Variants in PBK observed in about 807,000 individuals in gnomAD.
PBK encodes lymphokine-activated killer T-cell-originated protein kinase.
A neutral mutation model predicts 33.5 loss-of-function variants in PBK; 22 were observed. The observed-to-expected ratio is 0.66, with a 90% CI of 0.47 to 0.94. The LOEUF is 0.94. Among genes scored for constraint, PBK ranks in the 40% least tolerant of loss-of-function variants. The probability of loss-of-function intolerance (pLI) is 0.00; values close to 1 mark genes in which losing one functional copy is unlikely to be tolerated. For synonymous variants in PBK, 129 were observed against 123.8 expected, an observed-to-expected ratio of 1.04 and a Z score of -0.28; for missense variants, 376 against 383.4, an observed-to-expected ratio of 0.98 and a Z score of 0.16.
In PBK at chr8:27,828,194, T is replaced by C; in HGVS notation, c.63A>G (p.Leu21=). The stretch of plus-strand genomic sequence containing the variant: ...GGATATTTATAGTTGGAGTTGAACA[T>C]AATACTAAATGTCAGAGAAATAAAA... ...SKLSEKKKSV[L]CSTPTINIPA... The change falls in exon 3 of 8, where the codon TTA becomes TTG. Residue 21 remains leucine (L), a synonymous_variant. Transcript: ENST00000301905. 6.9e-7 allele frequency: 1 copy of C among 1,440,486 alleles called. No individual in the cohort carries two copies. Among genetic ancestry groups the C allele is most frequent in the African/African-American group, 1.4e-5 (1 of 71,108 alleles). The allele number at this position is 1,440,486 out of a possible 1,614,324, so 89.2% of individuals were successfully genotyped here. A position where few individuals can be genotyped will look rare whatever the true frequency, so the allele number is the denominator to read the frequency against.
Position 27,810,016 on chromosome 8 carries a change from A to C in PBK, c.*289T>G. On this transcript the variant is annotated 3_prime_UTR_variant, in exon 8 of 8. Coordinates refer to ENST00000301905, the MANE Select transcript of PBK (RefSeq NM_018492.4). ...AATAAAAGTAATGGTCATTCAATTT[A>C]ATGTTACAGTTTACAGCGTTTTACT... 1 of 331,144 alleles carries C rather than the reference A, an allele frequency of 3.0e-6. No individual in the cohort carries two copies. The allele number at this position is 331,144 out of a possible 1,614,324, so 20.5% of individuals were successfully genotyped here.
chr8:27,829,649 C>T (rs979037847), intron 2 of PBK, among the ~76,000 whole-genome samples: 2 of 151,950 alleles, frequency 1.3e-5, no homozygotes, highest in Non-Finnish European at 2.9e-5. Flanking sequence ...AGGCAGATCA[C>T]TAGGTCAGGA....
chr8:27,830,392 T>C (rs1172136664), intron 2 of PBK, among the ~76,000 whole-genome samples: 1 of 151,688 alleles, frequency 6.6e-6, no homozygotes, highest in Non-Finnish European at 1.5e-5. Flanking sequence ...AGCAGAAGAA[T>C]AACTAAATCT....
At chr8:27,812,798 A>G (rs1390578095) in intron 6 of PBK, among the ~76,000 whole-genome samples, 4 of 152,186 alleles carry the variant, frequency 2.6e-5, no homozygotes, top group East Asian at 1.9e-4. Flanking sequence ...TAGAATGGCA[A>G]TCATTAAAAA....
intron 6 of PBK, among the ~76,000 whole-genome samples, chr8:27,819,504 G>C (rs1483208098): frequency 6.6e-6 from 1 of 151,974 alleles, no homozygotes; most frequent in African/African-American, 2.4e-5. Flanking sequence ...AAAAAGTTTG[G>C]AGTTTTTGTT....
intron 2 of PBK, 72 bp downstream of exon 2, chr8:27,832,984 C>T: frequency 1.2e-6 from 1 of 846,104 alleles, no homozygotes; most frequent in Non-Finnish European, 1.9e-6. Flanking sequence ...AAGGATCAAA[C>T]TAAATAATAC....
chr8:27,820,674 TTTC>T lies in PBK; in HGVS notation c.483_485del (p.Lys162del), dbSNP rs770596213. The T allele has an allele frequency of 6.4e-6, 10 of 1,560,234 alleles. No homozygotes were observed. The Admixed American group carries it at 1.6e-4, about 25-fold the overall frequency. On this transcript the variant is annotated inframe_deletion, in exon 6 of 8. Transcript: ENST00000301905. The stretch of plus-strand genomic sequence containing the variant: ...AAGACTTTATGTCTCCATGAAGCAG[TTTC>T]TTTTCTTGGTGCAGATACTAAAATA...
chr8:27,821,649 C>G (rs1805931227), intron 5 of PBK, among the ~76,000 whole-genome samples: 1 of 152,192 alleles, frequency 6.6e-6, no homozygotes, highest in Non-Finnish European at 1.5e-5. Context: ...GGTAAGTTAA[C>G]TAATCCTACA....
chr8:27,828,215 T>A lies in PBK; in HGVS notation c.59-17A>T. 8.8e-7 allele frequency: 1 copy of A among 1,142,214 alleles called. No individual in the cohort carries two copies. The highest frequency in any genetic ancestry group is 1.3e-6 in the Non-Finnish European group (1 of 779,406). The allele number at this position is 1,142,214 out of a possible 1,614,324, so 70.8% of individuals were successfully genotyped here. A position where few individuals can be genotyped will look rare whatever the true frequency, so the allele number is the denominator to read the frequency against. On this transcript the variant is annotated splice_polypyrimidine_tract_variant and intron_variant, in intron 2 of 7. Transcript: ENST00000301905. Reference sequence around the variant, plus strand: ...AACATAATACTAAATGTCAGAGAAATAAAAAATAAAATTAATAAAAAATAA... The same window carrying A: ...AACATAATACTAAATGTCAGAGAAAAAAAAAATAAAATTAATAAAAAATAA...
chr8:27,815,263 C>T (rs1805787830), intron 6 of PBK, among the ~76,000 whole-genome samples: 1 of 152,168 alleles, frequency 6.6e-6, no homozygotes, highest in Non-Finnish European at 1.5e-5. Context: ...AACAAGCACT[C>T]ATTTATTCCG....
chr8:27,817,247 T>G (rs1405072084), intron 6 of PBK, among the ~76,000 whole-genome samples: 1 of 151,994 alleles, frequency 6.6e-6, no homozygotes, highest in Non-Finnish European at 1.5e-5. Context: ...CTATTGAAAA[T>G]ACTCTCATAT....
rs188822451 is a variant in PBK at position 27,829,654 on chromosome 8, T to C, written c.59-1456A>G. Reference sequence around the variant, plus strand: ...AGGCCGAGGCAGGCAGATCACTAGGTCAGGAGTTCGAGACCAGCCTGGCCA... The same window carrying C: ...AGGCCGAGGCAGGCAGATCACTAGGCCAGGAGTTCGAGACCAGCCTGGCCA... On this transcript the variant is annotated intron_variant, in intron 2 of 7. Coordinates refer to ENST00000301905, the MANE Select transcript of PBK (RefSeq NM_018492.4). Among the ~76,000 whole-genome samples the C allele has an allele frequency of 8.3e-3, 1,203 of 145,514 alleles. 14 individuals carry two copies. Among genetic ancestry groups the C allele is most frequent in the African/African-American group, 0.029 (1,138 of 39,200 alleles).
rs142777905 is a variant in PBK at position 27,821,497 on chromosome 8, T to A, written c.466-803A>T. ...GGCTGATCTCAAATTCCTGCCCTCG[T>A]GATCTGCCTGCCTTGGCCTCCCAAA... On this transcript the variant is annotated intron_variant, in intron 5 of 7. Coordinates refer to ENST00000301905, the MANE Select transcript of PBK (RefSeq NM_018492.4). Among the ~76,000 whole-genome samples, 709 of 152,230 alleles carry A rather than the reference T, an allele frequency of 4.7e-3. 7 individuals carry two copies. Among genetic ancestry groups the A allele is most frequent in the African/African-American group, 0.016 (683 of 41,528 alleles).
At chr8:27,820,503 G>A (rs1260453892) in intron 6 of PBK, 62 bp downstream of exon 6, 18 of 930,470 alleles carry the variant, frequency 1.9e-5, no homozygotes, top group South Asian at 7.6e-5. Flanking sequence ...GTGGACTTAC[G>A]TATTTAAAAA....
chr8:27,817,900 A>G (rs1474871895), intron 6 of PBK, among the ~76,000 whole-genome samples: 4 of 152,186 alleles, frequency 2.6e-5, no homozygotes, highest in African/African-American at 9.7e-5. Context: ...CTAAATCTGC[A>G]TTGTCCAATG....
chr8:27,826,664 C>T (rs1278420863), intron 3 of PBK, among the ~76,000 whole-genome samples: 5 of 141,546 alleles, frequency 3.5e-5, no homozygotes, highest in Non-Finnish European at 4.5e-5. Flanking sequence ...GGCGTGGTGG[C>T]GGGCGCCTGT....
intron 6 of PBK, among the ~76,000 whole-genome samples, chr8:27,820,271 A>C (rs770569386): frequency 6.6e-6 from 1 of 152,152 alleles, no homozygotes; most frequent in Non-Finnish European, 1.5e-5. Context: ...TTTACTTTCT[A>C]TTCCCAGATG....
At chr8:27,822,572 T>C (rs1018289758) in intron 4 of PBK, 84 bp from the exon 5 acceptor site, 2 of 878,966 alleles carry the variant, frequency 2.3e-6, no homozygotes, top group Admixed American at 3.0e-5. Flanking sequence ...ATTGAAAATA[T>C]GGATCTGGAC....
intron 1 of PBK, among the ~76,000 whole-genome samples, chr8:27,834,598 T>A (rs760819237): frequency 2.1e-4 from 32 of 152,162 alleles, no homozygotes; most frequent in Non-Finnish European, 3.7e-4. Flanking sequence ...AAATTGTCTA[T>A]GAAAATAAAA....
Sources: allele counts gnomAD v4.1 joint callset (sites outside exome capture counted in the v4.1 genomes callset), GRCh38; gene constraint gnomAD v4.1.1; transcripts MANE v1.5; gene names NCBI Gene and HGNC (gene_info 2026-07-23, HGNC 2026-07-21).